SOHLH1: variants seen among roughly 807,000 people sequenced by gnomAD.
SOHLH1 encodes spermatogenesis and oogenesis specific basic helix-loop-helix 1.
Under a neutral mutation model 36.2 loss-of-function variants are expected in SOHLH1, and 23 were observed. That is an observed-to-expected ratio of 0.64 (90% CI 0.46 to 0.90). The LOEUF is 0.90. SOHLH1 is among the 40% of genes least tolerant of loss of function. The pLI is 0.00. For missense variants in SOHLH1, 608 were observed against 517.0 expected, an observed-to-expected ratio of 1.18 and a Z score of -1.71; for synonymous variants, 289 against 228.3, an observed-to-expected ratio of 1.27 and a Z score of -2.40.
intron 4 of SOHLH1, 146 bp downstream of exon 4, chr9:135,697,360 G>C: frequency 8.1e-7 from 1 of 1,228,284 alleles, no homozygotes. Flanking sequence ...GGCCACCTGA[G>C]TTGGCAGGGC....
chr9:135,699,272 C>A (rs1834940413), intron 1 of SOHLH1, 131 bp downstream of exon 1: 2 of 1,494,410 alleles, frequency 1.3e-6, no homozygotes, highest in South Asian at 2.4e-5. Flanking sequence ...CTCTGCACCC[C>A]TTCCCCTCTC....
rs757648659 is a variant in SOHLH1 at position 135,697,630 on chromosome 9, G to C, written c.346-3C>G. 2 of 1,610,558 alleles carry C rather than the reference G, an allele frequency of 1.2e-6. No individual in the cohort carries two copies. Among genetic ancestry groups the C allele is most frequent in the Non-Finnish European group, 1.7e-6 (2 of 1,178,696 alleles). ...ATTTCCTTGGAGGAAGCAAGAATCT[G>C]AAATTTAAGTAAACATGTAAAACAA... On this transcript the variant is annotated splice_polypyrimidine_tract_variant and splice_region_variant and intron_variant, in intron 3 of 7. Transcript: ENST00000425225.
At position 135,698,448 on chromosome 9, in the gene SOHLH1, G is replaced by A. The variant is rs908802705; in HGVS notation, c.226C>T (p.Leu76=). The change falls in exon 3 of 8, where the codon CTG becomes TTG. Residue 76 remains leucine, a synonymous_variant. Transcript: ENST00000425225. ...TCGAACTGGGGCAGCAGGGCCCGCA[G>A]ACGCTCACAGCTCAACGACATCCGC... ...RKRMSLSCER[L]RALLPQFDGR... is the part of the protein sequence containing the mutation. 3.7e-6 allele frequency: 6 copies of A among 1,613,232 alleles called. No homozygotes were observed. Among genetic ancestry groups the A allele is most frequent in the Admixed American group, 3.3e-5 (2 of 60,030 alleles).
intron 3 of SOHLH1, among the ~76,000 whole-genome samples, chr9:135,697,950 G>A (rs1202420748): frequency 7.6e-6 from 1 of 130,756 alleles, no homozygotes; most frequent in Admixed American, 8.5e-5. Flanking sequence ...AGCCCCCAGA[G>A]CCTTGGAGAG....
chr9:135,696,414 T>C (rs1467131951), intron 5 of SOHLH1, among the ~76,000 whole-genome samples, 198 bp downstream of exon 5: 2 of 152,056 alleles, frequency 1.3e-5, no homozygotes, highest in African/African-American at 4.8e-5. Flanking sequence ...GCACACGTCC[T>C]CCTTTTCACA....
At chr9:135,699,667 A>G (rs1834967069), upstream of SOHLH1, 1 of 649,452 alleles carries the variant, frequency 1.5e-6, no homozygotes, top group Non-Finnish European at 2.8e-6. Flanking sequence ...CGTTCCTGCA[A>G]AGAAGGTGCT....
chr9:135,702,083 C>A (rs1295614979), upstream of SOHLH1: 7 of 558,272 alleles, frequency 1.3e-5, no homozygotes, highest in East Asian at 2.4e-4. Flanking sequence ...CCGCGGGTCC[C>A]GGCGCGGCCG....
At chr9:135,695,903 C>T (rs1203682888) in intron 5 of SOHLH1, among the ~76,000 whole-genome samples, 1 of 152,176 alleles carries the variant, frequency 6.6e-6, no homozygotes, top group African/African-American at 2.4e-5. Flanking sequence ...GCCCCTGGCT[C>T]ACCCCAATTA....
At chr9:135,694,307 C>T in intron 7 of SOHLH1, 80 bp downstream of exon 7, 1 of 1,607,260 alleles carries the variant, frequency 6.2e-7, no homozygotes, top group Non-Finnish European at 8.5e-7. Context: ...CTGACACACG[C>T]TAGGCCTGAG....
At chr9:135,699,631 A>T (rs1834965243), upstream of SOHLH1, 2 of 723,742 alleles carry the variant, frequency 2.8e-6, no homozygotes, top group Non-Finnish European at 4.6e-6. Context: ...CTCCCCACGC[A>T]GCCAGCCCGG....
In SOHLH1 at chr9:135,696,813, G is replaced by A. The variant is rs976183065; in HGVS notation, c.468-8C>T. On this transcript the variant is annotated splice_region_variant and splice_polypyrimidine_tract_variant and intron_variant, in intron 4 of 7. Coordinates refer to ENST00000425225, the MANE Select transcript of SOHLH1 (RefSeq NM_001101677.2). ...GCCTTCACATCTGGGGTTCTAGAAG[G>A]AGCAACATGACAAGGATCCTGGGTC... 6.2e-6 allele frequency: 10 copies of A among 1,612,688 alleles called. No homozygotes were observed. Among genetic ancestry groups the A allele is most frequent in the African/African-American group, 4.0e-5 (3 of 74,900 alleles).
At chr9:135,697,760 G>T (rs1044681763) in intron 3 of SOHLH1, 133 bp from the exon 4 acceptor site, 1 of 1,079,910 alleles carries the variant, frequency 9.3e-7, no homozygotes, top group Non-Finnish European at 1.3e-6. Flanking sequence ...ACTTGGGGGC[G>T]AGAGTACAGG....
intron 5 of SOHLH1, among the ~76,000 whole-genome samples, chr9:135,695,583 G>A (rs111929836): frequency 0.016 from 2,385 of 152,230 alleles, 69 homozygotes; most frequent in African/African-American, 0.055. Flanking sequence ...CTCGAGCTCT[G>A]CCCTCAGACC....
At chr9:135,695,444 A>G (rs960218356) in intron 5 of SOHLH1, among the ~76,000 whole-genome samples, 181 bp from the exon 6 acceptor site, 5 of 151,980 alleles carry the variant, frequency 3.3e-5, no homozygotes, top group African/African-American at 1.2e-4. Context: ...CAGGTAAACA[A>G]GGAAAAGATG....
Position 135,699,454 on chromosome 9 carries a change from C to G in SOHLH1, c.14G>C (p.Cys5Ser). MASR[C>S]SEPYPEVSRI... is the part of the protein sequence containing the mutation. The stretch of plus-strand genomic sequence containing the variant: ...GGAGACCTCCGGGTAGGGCTCGGAG[C>G]ACCGGGACGCCATGAACTCGCAGCT... Residue 5 changes from cysteine to serine, a missense_variant, in exon 1 of 8, where the codon TGC becomes TCC. Transcript: ENST00000425225. 4 of 1,612,238 alleles carry G rather than the reference C, an allele frequency of 2.5e-6. No individual in the cohort carries two copies. Among genetic ancestry groups the G allele is most frequent in the Non-Finnish European group, 3.4e-6 (4 of 1,179,780 alleles).
At chr9:135,700,416 G>A (rs528191326), upstream of SOHLH1, among the ~76,000 whole-genome samples, 1 of 152,006 alleles carries the variant, frequency 6.6e-6, no homozygotes, top group South Asian at 2.1e-4. Flanking sequence ...GGTTGCGGGG[G>A]GCCCTCAGGG....
At position 135,695,166 on chromosome 9, in the gene SOHLH1, C is replaced by T. The variant is rs143085310; in HGVS notation, c.759G>A (p.Leu253=). Residue 253 remains leucine, a synonymous_variant, in exon 6 of 8, where the codon TTG becomes TTA. Coordinates refer to ENST00000425225, the MANE Select transcript of SOHLH1 (RefSeq NM_001101677.2). ...SWPPFSQQQT[L]PVMSGEALGW... is the part of the protein sequence containing the mutation. Reference sequence around the variant, plus strand: ...CAAGGGCCTCCCCGCTCATCACGGGCAAGGTCTGCTGCTGCGAGAACGGAG... The same window carrying T: ...CAAGGGCCTCCCCGCTCATCACGGGTAAGGTCTGCTGCTGCGAGAACGGAG... 1 of 1,603,504 alleles carries T rather than the reference C, an allele frequency of 6.2e-7. No individual in the cohort carries two copies. Among genetic ancestry groups the T allele is most frequent in the Admixed American group, 1.7e-5 (1 of 58,658 alleles).
In SOHLH1 at chr9:135,699,079, C is replaced by A; in HGVS notation, c.113G>T (p.Gly38Val). ...ALSCCEDSAR[G>V]SGPPKAPTVA... ...CGTAGGGGCCTTGGGCGGGCCCGAGCCCCGGGCCGAGTCCTCGCAGCAGGA... is the reference window on the plus strand; with the variant it reads ...CGTAGGGGCCTTGGGCGGGCCCGAGACCCGGGCCGAGTCCTCGCAGCAGGA... The change falls in exon 2 of 8, where the codon GGC becomes GTC. Residue 38 changes from glycine to valine, a missense_variant. By Grantham distance (109) the Gly-to-Val change is moderately radical. Coordinates refer to ENST00000425225, the MANE Select transcript of SOHLH1 (RefSeq NM_001101677.2). 6.2e-7 allele frequency: 1 copy of A among 1,610,508 alleles called. No individual in the cohort carries two copies. The highest frequency in any genetic ancestry group is 8.5e-7 in the Non-Finnish European group (1 of 1,179,498).
At chr9:135,702,050 C>T (rs968604246), upstream of SOHLH1, 1 of 526,480 alleles carries the variant, frequency 1.9e-6, no homozygotes, top group Non-Finnish European at 3.3e-6. Flanking sequence ...CCCGCACCCC[C>T]GTCCCAGCCT....
Sources: allele counts gnomAD v4.1 joint callset (sites outside exome capture counted in the v4.1 genomes callset), GRCh38; gene constraint gnomAD v4.1.1; transcripts MANE v1.5; gene names NCBI Gene and HGNC (gene_info 2026-07-23, HGNC 2026-07-21).